Variants in TOR1AIP1 observed in about 807,000 individuals in gnomAD.
The protein encoded by TOR1AIP1 is torsin 1A interacting protein 1.
Under a neutral mutation model 63.3 loss-of-function variants are expected in TOR1AIP1, and 54 were observed. The observed-to-expected ratio is 0.85, with a 90% CI of 0.69 to 1.07. The LOEUF is 1.07. Among genes scored for constraint, TOR1AIP1 ranks in the 50% least tolerant of loss-of-function variants. The pLI, the probability that TOR1AIP1 is intolerant of heterozygous loss-of-function variation, is 0.00. For missense variants in TOR1AIP1, 736 were observed against 715.0 expected (o/e 1.03, Z -0.33); for synonymous variants, 294 against 273.5 (o/e 1.07, Z -0.74).
chr1:179,899,905 A>G (rs922120732), intron 3 of TOR1AIP1, among the ~76,000 whole-genome samples: 21 of 152,236 alleles, frequency 1.4e-4, no homozygotes, highest in African/African-American at 5.1e-4. Flanking sequence ...TCGGCCTCCC[A>G]AAGTGCCGGG....
At chr1:179,886,456 A>G (rs1273422409) in intron 2 of TOR1AIP1, among the ~76,000 whole-genome samples, 1 of 152,212 alleles carries the variant, frequency 6.6e-6, no homozygotes, top group Non-Finnish European at 1.5e-5. Flanking sequence ...CTTGAGCCTT[A>G]GGCCTTTACC....
At chr1:179,906,493 T>C (rs1648636284) in intron 6 of TOR1AIP1, among the ~76,000 whole-genome samples, 1 of 152,216 alleles carries the variant, frequency 6.6e-6, no homozygotes, top group African/African-American at 2.4e-5. Context: ...GTTATAATTG[T>C]AATGTCATTT....
chr1:179,889,514 C>T, intron 3 of TOR1AIP1, 145 bp downstream of exon 3: 1 of 535,448 alleles, frequency 1.9e-6, no homozygotes, highest in South Asian at 5.5e-5. Flanking sequence ...CTCTGTCATT[C>T]AGCCAGCCAG....
At chr1:179,913,432 T>C (rs1019634684) in intron 8 of TOR1AIP1, among the ~76,000 whole-genome samples, 1 of 152,234 alleles carries the variant, frequency 6.6e-6, no homozygotes, top group African/African-American at 2.4e-5. Context: ...AAAATACTAC[T>C]AGTATTTGAA....
chr1:179,912,022 CTTTTT>C (rs1553244275), intron 8 of TOR1AIP1, among the ~76,000 whole-genome samples: 1 of 66,342 alleles, frequency 1.5e-5, no homozygotes. Context: ...TTTTTTTTTT[CTTTTT>C]TCTTTTTTCT....
At chr1:179,912,107 C>T (rs1571737527) in intron 8 of TOR1AIP1, among the ~76,000 whole-genome samples, 2 of 149,630 alleles carry the variant, frequency 1.3e-5, no homozygotes, top group South Asian at 2.1e-4. Context: ...TCACTGCAAC[C>T]TCTGCCTCCT....
In TOR1AIP1 at chr1:179,883,074, G is replaced by GTA. The variant is rs763161646; in HGVS notation, c.475+98_475+99dup. 55 of 1,132,412 alleles carry GTA rather than the reference G, an allele frequency of 4.9e-5. 1 individual carries two copies. The South Asian group carries it at 7.0e-4, about 14-fold the overall frequency. The allele number at this position is 1,132,412 out of a possible 1,614,324, so 70.1% of individuals were successfully genotyped here. A position where few individuals can be genotyped will look rare whatever the true frequency, so the allele number is the denominator to read the frequency against. ...GAGCTCATGCCCGCCTGGGTACTAAGTACTGGGATTGGCTAAAGGGTATTC... is the reference window on the plus strand; with the variant it reads ...GAGCTCATGCCCGCCTGGGTACTAAGTATACTGGGATTGGCTAAAGGGTATTC... On this transcript the variant is annotated intron_variant, in intron 1 of 9. Transcript: ENST00000606911.
chr1:179,892,765 A>G (rs1648137771), intron 3 of TOR1AIP1, among the ~76,000 whole-genome samples: 1 of 151,956 alleles, frequency 6.6e-6, no homozygotes, highest in Admixed American at 6.6e-5. Flanking sequence ...CTTTTTAAAA[A>G]AGAGAACTTG....
chr1:179,901,801 T>C (rs1313844932), intron 5 of TOR1AIP1, among the ~76,000 whole-genome samples: 1 of 152,060 alleles, frequency 6.6e-6, no homozygotes, highest in Admixed American at 6.6e-5. Flanking sequence ...AATTAACAAG[T>C]TCTGATTGTT....
chr1:179,899,885 TC>T (rs566237068), intron 3 of TOR1AIP1, among the ~76,000 whole-genome samples: 61 of 152,338 alleles, frequency 4.0e-4, no homozygotes, highest in African/African-American at 1.3e-3. Flanking sequence ...CCTCAAGTGA[TC>T]CACCCACCTC....
chr1:179,916,639 T>C (rs183002733), intron 9 of TOR1AIP1, among the ~76,000 whole-genome samples: 1 of 151,706 alleles, frequency 6.6e-6, no homozygotes. Context: ...GTGAAATTAA[T>C]CTAAAGGGAC....
At chr1:179,904,094 C>G in intron 6 of TOR1AIP1, 72 bp downstream of exon 6, 1 of 1,172,040 alleles carries the variant, frequency 8.5e-7, no homozygotes, top group Non-Finnish European at 1.2e-6. Context: ...TGAAGATCCT[C>G]TTTTGAAATT....
At chr1:179,917,416 G>C in intron 9 of TOR1AIP1, 36 bp from the exon 10 acceptor site, 4 of 1,550,872 alleles carry the variant, frequency 2.6e-6, no homozygotes, top group Non-Finnish European at 2.6e-6. Context: ...TAAGAAAGTG[G>C]TATTTATATC....
At position 179,884,762 on chromosome 1, in the gene TOR1AIP1, G is replaced by A. The variant is rs1647864739; in HGVS notation, c.546G>A (p.Glu182=). The A allele has an allele frequency of 2.5e-6, 4 of 1,607,446 alleles. No homozygotes were observed. The highest frequency in any genetic ancestry group is 3.4e-6 in the Non-Finnish European group (4 of 1,177,782). The change falls in exon 2 of 10, where the codon GAG becomes GAA. Residue 182 remains glutamate (E), a synonymous_variant. Transcript: ENST00000606911. ...ISKKTVRSIQ[E]APVSEDLVIR... The stretch of plus-strand genomic sequence containing the variant: ...AGAAAACTGTCAGGAGCATACAAGA[G>A]GCTCCAGGTAAGAATAGTTAACTTT...
chr1:179,883,850 A>T (rs992159849), intron 1 of TOR1AIP1: 11 of 333,430 alleles, frequency 3.3e-5, no homozygotes, highest in African/African-American at 2.3e-4. Flanking sequence ...AGGACCTAAC[A>T]CTGAGTCACA....
intron 9 of TOR1AIP1, among the ~76,000 whole-genome samples, chr1:179,915,198 T>C (rs1648957300): frequency 6.6e-6 from 1 of 152,216 alleles, no homozygotes; most frequent in South Asian, 2.1e-4. Context: ...GGCTATTCTT[T>C]TTTGAACTCT....
chr1:179,882,569 G>A lies in TOR1AIP1; in HGVS notation c.67G>A (p.Ala23Thr), dbSNP rs751018958. 3 of 1,514,738 alleles carry A rather than the reference G, an allele frequency of 2.0e-6. No homozygotes were observed. Among genetic ancestry groups the A allele is most frequent in the Admixed American group, 4.6e-5 (2 of 43,218 alleles). 93.8% of individuals were successfully genotyped at this position (1,514,738 alleles called of 1,614,324 possible). ...EGWGVYVTPR[A>T]PIREGRGRLA... Reference sequence around the variant, plus strand: ...ATGGGGTGTGTACGTCACCCCCAGGGCCCCCATCCGAGAGGGAAGGGGCCG... The same window carrying A: ...ATGGGGTGTGTACGTCACCCCCAGGACCCCCATCCGAGAGGGAAGGGGCCG... Residue 23 changes from alanine (A) to threonine (T), a missense_variant, in exon 1 of 10, where the codon GCC becomes ACC. Transcript: ENST00000606911.
chr1:179,884,235 T>C (rs1647836616), intron 1 of TOR1AIP1, among the ~76,000 whole-genome samples: 1 of 152,210 alleles, frequency 6.6e-6, no homozygotes, highest in Admixed American at 6.5e-5. Context: ...TTTCAGTACC[T>C]GGAAGAATGC....
At chr1:179,897,833 C>A (rs967630657) in intron 3 of TOR1AIP1, among the ~76,000 whole-genome samples, 5 of 152,184 alleles carry the variant, frequency 3.3e-5, no homozygotes, top group Admixed American at 2.6e-4. Flanking sequence ...TGCAGTGGCT[C>A]ATACCTGTAA....
Sources: gnomAD v4.1 joint callset for allele counts (sites outside exome capture counted in the v4.1 genomes callset) on GRCh38, gnomAD v4.1.1 for gene constraint, MANE v1.5 for transcripts, NCBI Gene and HGNC (gene_info 2026-07-23, HGNC 2026-07-21) for gene names.